Variants in HERC2 observed in about 807,000 individuals in gnomAD.
HERC2 encodes E3 ubiquitin-protein ligase HERC2.
HERC2 carries 102 observed loss-of-function variants against 537.7 expected under a neutral mutation model. That is an observed-to-expected ratio of 0.19 (90% confidence interval 0.16 to 0.22). The LOEUF is 0.22. Ranked by LOEUF, HERC2 falls within the 10% of genes least tolerant of loss-of-function variation. The pLI is 1.00. For missense variants in HERC2, 4,236 were observed against 6,198.2 expected (o/e 0.68, Z 10.63); for synonymous variants, 2,224 against 2,466.2 (o/e 0.90, Z 2.91).
In HERC2 at chr15:28,191,983, T is replaced by C; in HGVS notation, c.8429A>G (p.Gln2810Arg). ...RLIDGSEPCW[Q>R]SSGSQGKHWI... ...TACCTTTCCTTGCGACCCCGATGAC[T>C]GCCAGCAGGGCTCGCTGCCGTCAAT... The change falls in exon 53 of 93, where the codon CAG becomes CGG. Residue 2810 changes from glutamine (Q) to arginine (R), a missense_variant. Physicochemically the swap from Gln to Arg is conservative, Grantham distance 43. Transcript: ENST00000261609. 1 of 1,613,838 alleles carries C rather than the reference T, an allele frequency of 6.2e-7. No homozygotes were observed. Among genetic ancestry groups the C allele is most frequent in the Non-Finnish European group, 8.5e-7 (1 of 1,180,012 alleles).
At chr15:28,209,778 G>T (rs780944229) in intron 44 of HERC2, among the ~76,000 whole-genome samples, 14 of 152,098 alleles carry the variant, frequency 9.2e-5, no homozygotes, top group Non-Finnish European at 1.5e-4. Flanking sequence ...CATCCCCATG[G>T]ATATTCAGGG....
chr15:28,210,620 C>T (rs1567018619), intron 44 of HERC2, among the ~76,000 whole-genome samples: 1 of 151,878 alleles, frequency 6.6e-6, no homozygotes, highest in African/African-American at 2.4e-5. Flanking sequence ...TGGAGTGCGG[C>T]TTTACGCGCA....
intron 55 of HERC2, among the ~76,000 whole-genome samples, chr15:28,190,019 T>A (rs899134082): frequency 8.6e-5 from 13 of 150,574 alleles, no homozygotes; most frequent in Non-Finnish European, 1.5e-4. Context: ...TTCTTTTTTT[T>A]TTTTTTGAGA....
chr15:28,136,682 C>T (rs1430968344), intron 78 of HERC2, among the ~76,000 whole-genome samples: 3 of 152,236 alleles, frequency 2.0e-5, no homozygotes, highest in Non-Finnish European at 4.4e-5. Context: ...GTAAATGAAG[C>T]TTTACGGGAA....
chr15:28,197,084 A>C (rs555891633), intron 50 of HERC2, among the ~76,000 whole-genome samples: 1 of 152,358 alleles, frequency 6.6e-6, no homozygotes, highest in Non-Finnish European at 1.5e-5. Flanking sequence ...TCTCTTAAGC[A>C]AAGAAAAATG....
rs187558335 is a variant in HERC2 at position 28,186,970 on chromosome 15, G to A, written c.8650-218C>T. On this transcript the variant is annotated intron_variant, in intron 55 of 92. Transcript: ENST00000261609. ...GGTCAACTCATCAAGATGTCTACCTGAGGCATGAGACACTCACTGATTTTC... is the reference window on the plus strand; with the variant it reads ...GGTCAACTCATCAAGATGTCTACCTAAGGCATGAGACACTCACTGATTTTC... 5.0e-4 allele frequency among the ~76,000 whole-genome samples: 76 copies of A among 152,306 alleles called. No individual in the cohort carries two copies. In the East Asian group the frequency reaches 9.6e-3, roughly 19 times the overall value.
At chr15:28,276,192 C>CAAAAAAAAAAA (rs11359639) in intron 5 of HERC2, among the ~76,000 whole-genome samples, 22 of 70,082 alleles carry the variant, frequency 3.1e-4, no homozygotes, top group Admixed American at 9.3e-4. Context: ...TCTCAAAAAA[C>CAAAAAAAAAAA]AAAAAAAAAA....
intron 86 of HERC2, 82 bp downstream of exon 86, chr15:28,121,264 A>T: frequency 8.1e-7 from 1 of 1,229,186 alleles, no homozygotes; most frequent in Non-Finnish European, 1.2e-6. Context: ...GCAGGCTACC[A>T]GCGCTCTCGT....
At position 28,293,772 on chromosome 15, in the gene HERC2, A is replaced by G. The variant is rs79612398; in HGVS notation, c.188-750T>C. On this transcript the variant is annotated intron_variant, in intron 3 of 92. Transcript: ENST00000261609. ...CCAACTGGGAAGCACTGCTATGCAG[A>G]GGCACTGTGACTGATAGCATAATTC... Among the ~76,000 whole-genome samples the G allele has an allele frequency of 7.9e-4, 121 of 152,344 alleles. No individual in the cohort carries two copies. In the East Asian group the frequency reaches 0.011, roughly 13 times the overall value.
chr15:28,249,048 C>T (rs1904004601), intron 20 of HERC2, among the ~76,000 whole-genome samples: 1 of 152,204 alleles, frequency 6.6e-6, no homozygotes, highest in Non-Finnish European at 1.5e-5. Context: ...CTTCCACATT[C>T]CCAATGTTTA....
At chr15:28,138,914 A>G (rs1267408649) in intron 78 of HERC2, among the ~76,000 whole-genome samples, 2 of 152,226 alleles carry the variant, frequency 1.3e-5, no homozygotes, top group Non-Finnish European at 2.9e-5. Context: ...AAATATCAAC[A>G]TTAACAGGGA....
chr15:28,310,001 C>T (rs1238170218), intron 2 of HERC2, among the ~76,000 whole-genome samples: 1 of 152,176 alleles, frequency 6.6e-6, no homozygotes, highest in Non-Finnish European at 1.5e-5. Context: ...GAGAGGTAAA[C>T]TCCTTCCAAA....
chr15:28,259,876 G>A (rs2075370266), intron 16 of HERC2, among the ~76,000 whole-genome samples: 1 of 150,552 alleles, frequency 6.6e-6, no homozygotes, highest in South Asian at 2.1e-4. Context: ...GCTGACGCAG[G>A]AGAATTGCGT....
At chr15:28,315,623 T>C (rs2077061380) in intron 2 of HERC2, 1 of 538,718 alleles carries the variant, frequency 1.9e-6, no homozygotes, top group Non-Finnish European at 3.6e-6. Context: ...TGAAACCCCA[T>C]CTCTACTAAA....
chr15:28,278,196 AAC>A (rs1371978747), intron 5 of HERC2, among the ~76,000 whole-genome samples: 1 of 152,182 alleles, frequency 6.6e-6, no homozygotes, highest in Non-Finnish European at 1.5e-5. Context: ...CAGCCTGGGC[AAC>A]ACAGTGAGAC....
chr15:28,287,945 C>G (rs1210624718), intron 4 of HERC2, among the ~76,000 whole-genome samples: 2 of 152,000 alleles, frequency 1.3e-5, no homozygotes, highest in South Asian at 4.2e-4. Context: ...AGCATGGTCT[C>G]GATCTCCTGA....
chr15:28,175,073 A>T (rs552502782), intron 64 of HERC2, among the ~76,000 whole-genome samples: 2 of 152,104 alleles, frequency 1.3e-5, no homozygotes, highest in Non-Finnish European at 2.9e-5. Flanking sequence ...AATAAAATTT[A>T]AAATTGAATA....
intron 5 of HERC2, among the ~76,000 whole-genome samples, chr15:28,276,423 G>A (rs893657703): frequency 3.2e-4 from 49 of 152,018 alleles, no homozygotes; most frequent in African/African-American, 1.1e-3. Flanking sequence ...TGAGAAATAC[G>A]AACATGACAA....
At chr15:28,321,596 G>GAGCTGGTGGAGGGGAGAGAAA (rs2077231161) in intron 1 of HERC2, 132 bp from the exon 2 acceptor site, 1 of 397,552 alleles carries the variant, frequency 2.5e-6, no homozygotes, top group Non-Finnish European at 4.1e-6. Context: ...GGGGAGAGAA[G>GAGCTGGTGGAGGGGAGAGAAA]GGGAGAGAGG....
Sources: allele counts gnomAD v4.1 joint callset (sites outside exome capture counted in the v4.1 genomes callset), GRCh38; gene constraint gnomAD v4.1.1; transcripts MANE v1.5; gene names NCBI Gene and HGNC (gene_info 2026-07-23, HGNC 2026-07-21).